Variants in GPR158 observed in about 807,000 individuals in gnomAD.
The protein encoded by GPR158 is metabotropic glycine receptor.
Under a neutral mutation model 78.2 loss-of-function variants are expected in GPR158, and 30 were observed. The ratio of observed to expected loss-of-function variants is 0.38; its 90% confidence interval spans 0.29 to 0.52. GPR158 has a LOEUF of 0.52. GPR158 is among the 20% of genes least tolerant of loss of function. GPR158 has a pLI of 0.83. For missense variants in GPR158, 1,463 were observed against 1,523.5 expected, an observed-to-expected ratio of 0.96 and a Z score of 0.66; for synonymous variants, 581 against 591.1, an observed-to-expected ratio of 0.98 and a Z score of 0.25.
At chr10:25,307,231 T>G (rs1046774291) in intron 2 of GPR158, among the ~76,000 whole-genome samples, 4 of 152,054 alleles carry the variant, frequency 2.6e-5, no homozygotes, top group Non-Finnish European at 2.9e-5. Context: ...ATAGTGTTTT[T>G]TTTTTGCATT....
intron 1 of GPR158, among the ~76,000 whole-genome samples, chr10:25,184,058 A>G (rs1852649452): frequency 6.6e-6 from 1 of 152,238 alleles, no homozygotes; most frequent in Non-Finnish European, 1.5e-5. Flanking sequence ...ATGAAATGTG[A>G]TATTAGGAAA....
intron 6 of GPR158, among the ~76,000 whole-genome samples, chr10:25,571,599 G>A (rs1193203562): frequency 6.6e-6 from 1 of 152,152 alleles, no homozygotes; most frequent in African/African-American, 2.4e-5. Flanking sequence ...ACCACTCATG[G>A]TGGCTTATGT....
chr10:25,513,719 A>G (rs1836120331), intron 5 of GPR158, among the ~76,000 whole-genome samples: 2 of 152,072 alleles, frequency 1.3e-5, no homozygotes, highest in Admixed American at 1.3e-4. Context: ...ATGTTGTGTC[A>G]CTATTATCCT....
intron 2 of GPR158, among the ~76,000 whole-genome samples, chr10:25,323,683 CT>C (rs75076220): frequency 0.011 from 1,593 of 142,374 alleles, 8 homozygotes; most frequent in Non-Finnish European, 0.015. Flanking sequence ...CCAGCTATTA[CT>C]TTTTTTTTTT....
intron 2 of GPR158, among the ~76,000 whole-genome samples, chr10:25,275,868 G>C (rs922792019): frequency 5.9e-5 from 9 of 152,078 alleles, no homozygotes; most frequent in African/African-American, 2.2e-4. Context: ...CTAGAACAGG[G>C]ATCCAGGTAT....
intron 6 of GPR158, among the ~76,000 whole-genome samples, chr10:25,562,885 CT>C (rs1181878734): frequency 3.9e-5 from 6 of 152,158 alleles, no homozygotes; most frequent in African/African-American, 1.4e-4. Flanking sequence ...AAGTCTCCAA[CT>C]TAGATTATTA....
At chr10:25,333,000 A>G (rs1284960031) in intron 2 of GPR158, among the ~76,000 whole-genome samples, 1 of 152,170 alleles carries the variant, frequency 6.6e-6, no homozygotes, top group South Asian at 2.1e-4. Context: ...GTAGAGGATG[A>G]GCTGGGCATT....
At chr10:25,290,066 A>G (rs968935583) in intron 2 of GPR158, among the ~76,000 whole-genome samples, 3 of 152,216 alleles carry the variant, frequency 2.0e-5, no homozygotes, top group Non-Finnish European at 4.4e-5. Flanking sequence ...TCACAAACAC[A>G]AAGTAACATT....
chr10:25,304,790 G>A (rs760518995), intron 2 of GPR158, among the ~76,000 whole-genome samples: 17 of 152,056 alleles, frequency 1.1e-4, no homozygotes, highest in Admixed American at 2.0e-4. Flanking sequence ...TTGGCATTGC[G>A]TCTGAGAATA....
chr10:25,253,982 G>A (rs2781259), intron 2 of GPR158, among the ~76,000 whole-genome samples: 3,389 of 152,220 alleles, frequency 0.022, 53 homozygotes, highest in Middle Eastern at 0.034. Flanking sequence ...AACATAATTA[G>A]CATTGTTTAG....
In GPR158 at chr10:25,176,665, A is replaced by G. The variant is rs1308909207; in HGVS notation, c.902+343A>G. On this transcript the variant is annotated intron_variant, in intron 1 of 10. Coordinates refer to ENST00000376351, the MANE Select transcript of GPR158 (RefSeq NM_020752.3). The surrounding 1 kb of genome is among the most constrained non-coding windows in gnomAD (Gnocchi z 6.3). ...CGGAGAGCAGGGAGGGGCGTTCCCCACCGGGGGGCGATGCGACAACTTGGC... is the reference window on the plus strand; with the variant it reads ...CGGAGAGCAGGGAGGGGCGTTCCCCGCCGGGGGGCGATGCGACAACTTGGC... Among the ~76,000 whole-genome samples, 2 of 152,112 alleles carry G rather than the reference A, an allele frequency of 1.3e-5. No individual in the cohort carries two copies. Among genetic ancestry groups the G allele is most frequent in the African/African-American group, 4.8e-5 (2 of 41,436 alleles).
chr10:25,206,268 T>C (rs1290719658), intron 1 of GPR158, among the ~76,000 whole-genome samples: 1 of 152,148 alleles, frequency 6.6e-6, no homozygotes, highest in Non-Finnish European at 1.5e-5. Context: ...ATTACAGGCG[T>C]GAGCCACCGC....
chr10:25,203,441 G>A (rs1852965399), intron 1 of GPR158, among the ~76,000 whole-genome samples: 1 of 152,078 alleles, frequency 6.6e-6, no homozygotes, highest in Non-Finnish European at 1.5e-5. Flanking sequence ...TAAGGTGTAA[G>A]GAAGGGATCC....
intron 5 of GPR158, among the ~76,000 whole-genome samples, chr10:25,509,860 T>C (rs1286261515): frequency 6.6e-6 from 1 of 152,154 alleles, no homozygotes; most frequent in Non-Finnish European, 1.5e-5. Context: ...ACTATAAGTG[T>C]GTGCCACTGC....
chr10:25,515,397 T>G (rs570590213), intron 5 of GPR158, among the ~76,000 whole-genome samples: 33 of 151,632 alleles, frequency 2.2e-4, no homozygotes, highest in Admixed American at 1.1e-3. Flanking sequence ...ACTTTAAGTT[T>G]TAGGGTACAT....
chr10:25,323,776 C>T (rs138325769), intron 2 of GPR158, among the ~76,000 whole-genome samples: 1 of 152,198 alleles, frequency 6.6e-6, no homozygotes, highest in African/African-American at 2.4e-5. Flanking sequence ...ACCCAGCCTC[C>T]AGATGCACTT....
chr10:25,367,593 C>G (rs1378559596), intron 2 of GPR158, among the ~76,000 whole-genome samples: 1 of 151,722 alleles, frequency 6.6e-6, no homozygotes. Context: ...GTCTTTCAAC[C>G]CATAAACATG....
intron 2 of GPR158, among the ~76,000 whole-genome samples, chr10:25,229,101 A>G (rs1423212194): frequency 6.6e-6 from 1 of 152,112 alleles, no homozygotes; most frequent in Non-Finnish European, 1.5e-5. Context: ...GGTAGATTAA[A>G]GGCAAGAGGG....
Position 25,598,118 on chromosome 10 carries a change from C to T in GPR158, c.2492C>T (p.Ser831Phe), listed in dbSNP as rs369592208. ...YDHVRDQTEE[S>F]SSLPTESQEE... is the part of the protein sequence containing the mutation. ...CACGTGAGAGACCAAACGGAAGAGT[C>T]CAGTAGCCTACCCACAGAAAGCCAA... Residue 831 changes from serine to phenylalanine, a missense_variant, in exon 11 of 11, where the codon TCC (serine) becomes TTC (phenylalanine). Coordinates refer to ENST00000376351, the MANE Select transcript of GPR158 (RefSeq NM_020752.3). 3.1e-6 allele frequency: 5 copies of T among 1,613,894 alleles called. No homozygotes were observed. In the African/African-American group the frequency reaches 6.7e-5, roughly 22 times the overall value.
Sources: allele counts gnomAD v4.1 joint callset (sites outside exome capture counted in the v4.1 genomes callset), GRCh38; gene constraint gnomAD v4.1.1; non-coding constraint Gnocchi (gnomAD v3.1); transcripts MANE v1.5; gene names NCBI Gene and HGNC (gene_info 2026-07-23, HGNC 2026-07-21).